Variants in MRPL58 observed in about 807,000 individuals in gnomAD.
MRPL58 encodes mitochondrial ribosomal protein L58.
Under a neutral mutation model 26.0 loss-of-function variants are expected in MRPL58, and 17 were observed. The ratio of observed to expected loss-of-function variants is 0.65; its 90% CI spans 0.45 to 0.98. The LOEUF (loss-of-function observed/expected upper bound fraction) is 0.98, where lower values mean the gene tolerates loss of function less well. Among genes scored for constraint, MRPL58 ranks in the 50% least tolerant of loss-of-function variants. The pLI is 0.00. For missense variants in MRPL58, 250 were observed against 269.0 expected (o/e 0.93, Z 0.49); for synonymous variants, 100 against 99.7 (o/e 1.00, Z -0.02).
chr17:75,020,804 C>A, intron 5 of MRPL58, 117 bp from the exon 6 acceptor site: 1 of 1,185,206 alleles, frequency 8.4e-7, no homozygotes, highest in Non-Finnish European at 1.2e-6. Context: ...CCGAGGCCTG[C>A]GGGCTAGTGC....
chr17:75,020,670 G>A lies in MRPL58; in HGVS notation c.536+13G>A. 1 of 1,612,646 alleles carries A rather than the reference G, an allele frequency of 6.2e-7. No homozygotes were observed. Among genetic ancestry groups the A allele is most frequent in the Non-Finnish European group, 8.5e-7 (1 of 1,178,718 alleles). On this transcript the variant is annotated intron_variant, in intron 5 of 5. Coordinates refer to ENST00000301585, the MANE Select transcript of MRPL58 (RefSeq NM_001545.3). ...TTCATAGAATCAGGTACCAGGAAAT[G>A]CCCTAAGATGCTATAAACTGATTTG...
At chr17:75,015,765 T>C (rs2039969140) in intron 1 of MRPL58, among the ~76,000 whole-genome samples, 1 of 152,078 alleles carries the variant, frequency 6.6e-6, no homozygotes, top group South Asian at 2.1e-4. Flanking sequence ...CTTTTTCTTT[T>C]TCTTTTTTCT....
At chr17:75,017,648 T>C (rs1026082864) in intron 2 of MRPL58, among the ~76,000 whole-genome samples, 1 of 152,128 alleles carries the variant, frequency 6.6e-6, no homozygotes, top group African/African-American at 2.4e-5. Context: ...CTTGGGAGGC[T>C]GAGGCAGAAG....
chr17:75,014,312 A>G (rs1359021526), intron 1 of MRPL58, among the ~76,000 whole-genome samples: 8 of 143,834 alleles, frequency 5.6e-5, no homozygotes, highest in African/African-American at 2.1e-4. Flanking sequence ...CAGTCTCCTG[A>G]GTAGCTGGGA....
intron 2 of MRPL58, 37 bp downstream of exon 2, chr17:75,017,151 C>G (rs141289705): frequency 3.3e-6 from 5 of 1,529,944 alleles, no homozygotes; most frequent in Non-Finnish European, 4.5e-6. Context: ...CAGTTGGCTG[C>G]GTGGTGGCAT....
intron 2 of MRPL58, 124 bp downstream of exon 2, chr17:75,017,238 C>G (rs1292179988): frequency 9.5e-6 from 7 of 738,584 alleles, no homozygotes; most frequent in Non-Finnish European, 1.2e-5. Flanking sequence ...TTGCAGTGGG[C>G]CGAGTTTGTG....
chr17:75,016,138 T>G (rs1268347595), intron 1 of MRPL58, among the ~76,000 whole-genome samples: 1 of 150,078 alleles, frequency 6.7e-6, no homozygotes, highest in Non-Finnish European at 1.5e-5. Flanking sequence ...GCGTGGTGGC[T>G]CACGCCTGTA....
rs1166937275 is a variant in MRPL58, at chr17:75,019,637, C to T, written c.224-63C>T. ...CCTTCCCTACATTCCTCAGACACAA[C>T]AAGACTGCTTTTCATGCCATGAGGT... On this transcript the variant is annotated intron_variant, in intron 2 of 5. Coordinates refer to ENST00000301585, the MANE Select transcript of MRPL58 (RefSeq NM_001545.3). 5 of 1,496,934 alleles carry T rather than the reference C, an allele frequency of 3.3e-6. No homozygotes were observed. The African/African-American group carries it at 6.9e-5, about 21-fold the overall frequency. The allele number at this position is 1,496,934 out of a possible 1,614,324, so 92.7% of individuals were successfully genotyped here. A position where few individuals can be genotyped will look rare whatever the true frequency, so the allele number is the denominator to read the frequency against.
At position 75,017,797 on chromosome 17, in the gene MRPL58, G is replaced by A. The variant is rs190966107; in HGVS notation, c.223+683G>A. Among the ~76,000 whole-genome samples, 1,154 of 151,936 alleles carry A rather than the reference G, an allele frequency of 7.6e-3. 6 individuals carry two copies. The highest frequency in any genetic ancestry group is 0.013 in the Non-Finnish European group (899 of 67,970). On this transcript the variant is annotated intron_variant, in intron 2 of 5. Coordinates refer to ENST00000301585, the MANE Select transcript of MRPL58 (RefSeq NM_001545.3). ...AAATTAGCCGGGTGTGGTGGTGGGC[G>A]CCTGTGATCCCAGCTACTCGGAAGG...
chr17:75,020,847 C>G, intron 5 of MRPL58, 74 bp from the exon 6 acceptor site: 1 of 1,326,646 alleles, frequency 7.5e-7, no homozygotes, highest in South Asian at 1.2e-5. Context: ...TCCCGTTGAG[C>G]TCCCAACTCC....
At chr17:75,015,238 G>A (rs1450435813) in intron 1 of MRPL58, among the ~76,000 whole-genome samples, 2 of 152,220 alleles carry the variant, frequency 1.3e-5, no homozygotes, top group Non-Finnish European at 2.9e-5. Context: ...TATAATCCCA[G>A]CACTTTGAGA....
intron 1 of MRPL58, among the ~76,000 whole-genome samples, chr17:75,014,028 A>G (rs997533950): frequency 1.3e-5 from 2 of 152,202 alleles, no homozygotes; most frequent in Admixed American, 6.5e-5. Flanking sequence ...GGAGATTGCA[A>G]TGTAGGGCAA....
intron 1 of MRPL58, among the ~76,000 whole-genome samples, chr17:75,016,079 C>T (rs969915928): frequency 2.0e-5 from 3 of 151,676 alleles, no homozygotes; most frequent in Admixed American, 6.6e-5. Context: ...CCACTGCACC[C>T]GGCCAACTCC....
In MRPL58 at chr17:75,020,537, G is replaced by T; in HGVS notation, c.416G>T (p.Ser139Ile). 10 of 1,614,142 alleles carry T rather than the reference G, an allele frequency of 6.2e-6. No individual in the cohort carries two copies. The highest frequency in any genetic ancestry group is 8.5e-6 in the Non-Finnish European group (10 of 1,180,004). The change falls in exon 5 of 6, where the codon AGC (serine) becomes ATC (isoleucine). Residue 139 changes from serine to isoleucine, a missense_variant. Coordinates refer to ENST00000301585, the MANE Select transcript of MRPL58 (RefSeq NM_001545.3). ...RLGELILTSESSRYQFRNLAD... is the reference protein window; with the variant it reads ...RLGELILTSEISRYQFRNLAD... ...GGAGAGTTGATCCTCACCTCTGAGAGCAGCCGCTATCAGTTCCGGAATCTG... is the reference window on the plus strand; with the variant it reads ...GGAGAGTTGATCCTCACCTCTGAGATCAGCCGCTATCAGTTCCGGAATCTG...
In MRPL58 at chr17:75,021,046, G is replaced by C. The variant is rs1207056362; in HGVS notation, c.*41G>C. 1 of 1,363,236 alleles carries C rather than the reference G, an allele frequency of 7.3e-7. No individual in the cohort carries two copies. Among genetic ancestry groups the C allele is most frequent in the Non-Finnish European group, 1.1e-6 (1 of 951,152 alleles). The allele number at this position is 1,363,236 out of a possible 1,614,324, so 84.4% of individuals were successfully genotyped here. On this transcript the variant is annotated 3_prime_UTR_variant, in exon 6 of 6. Transcript: ENST00000301585. ...CTGGGAGGGCTCTTCTGGGCGTCCG[G>C]GCAGCTGCAGCTGAGAGGACTTTCA...
rs139686283 is a variant in MRPL58, at chr17:75,019,271, G to A, written c.224-429G>A. Among the ~76,000 whole-genome samples the A allele has an allele frequency of 2.0e-5, 3 of 152,266 alleles. No homozygotes were observed. In the East Asian group the frequency reaches 5.8e-4, roughly 29 times the overall value. On this transcript the variant is annotated intron_variant, in intron 2 of 5. Coordinates refer to ENST00000301585, the MANE Select transcript of MRPL58 (RefSeq NM_001545.3). ...TAGGGGGAGACAGGCAGGCAAGTGGGCAGTAGCTCGGTAGTAGCTCCTCAC... is the reference window on the plus strand; with the variant it reads ...TAGGGGGAGACAGGCAGGCAAGTGGACAGTAGCTCGGTAGTAGCTCCTCAC...
intron 1 of MRPL58, among the ~76,000 whole-genome samples, 191 bp downstream of exon 1, chr17:75,013,063 G>A (rs1412036309): frequency 6.6e-6 from 1 of 152,208 alleles, no homozygotes; most frequent in Non-Finnish European, 1.5e-5. Context: ...ATGTGCAGGA[G>A]CCCGGAAGGC....
At position 75,020,957 on chromosome 17, in the gene MRPL58, G is replaced by A. The variant is rs1385759123; in HGVS notation, c.573G>A (p.Lys191=). The A allele has an allele frequency of 6.2e-7, 1 of 1,613,968 alleles. No homozygotes were observed. The highest frequency in any genetic ancestry group is 2.2e-5 in the East Asian group (1 of 44,894). Residue 191 remains lysine (K), a synonymous_variant, in exon 6 of 6, where the codon AAG becomes AAA. Transcript: ENST00000301585. The part of the protein sequence containing the change: ...ENMNRERLRQ[K]RIHSAVKTSR... ...TGAATCGGGAAAGGCTGAGACAAAA[G>A]AGAATTCATTCTGCTGTAAAGACAA...
At chr17:75,014,782 G>A (rs765758168) in intron 1 of MRPL58, among the ~76,000 whole-genome samples, 2 of 152,130 alleles carry the variant, frequency 1.3e-5, no homozygotes, top group Non-Finnish European at 2.9e-5. Context: ...GGATTGAGTT[G>A]CTATTAACTG....
Sources: gnomAD v4.1 joint callset for allele counts (sites outside exome capture counted in the v4.1 genomes callset) on GRCh38, gnomAD v4.1.1 for gene constraint, MANE v1.5 for transcripts, NCBI Gene and HGNC (gene_info 2026-07-23, HGNC 2026-07-21) for gene names.